Variants in ZDHHC24 observed in about 807,000 individuals in gnomAD.
ZDHHC24 encodes the protein zDHHC palmitoyltransferase 24.
A neutral mutation model predicts 23.2 loss-of-function variants in ZDHHC24; 17 were observed. That is an observed-to-expected ratio of 0.73 (90% CI 0.50 to 1.10). The LOEUF (loss-of-function observed/expected upper bound fraction) is 1.10. Ranked by LOEUF, ZDHHC24 falls within the 50% of genes least tolerant of loss-of-function variation. The pLI is 0.00. For missense variants in ZDHHC24, 366 were observed against 393.0 expected, an observed-to-expected ratio of 0.93 and a Z score of 0.58; for synonymous variants, 186 against 194.5, an observed-to-expected ratio of 0.96 and a Z score of 0.36.
chr11:66,523,511 A>C, intron 4 of ZDHHC24: 1 of 1,614,112 alleles, frequency 6.2e-7, no homozygotes, highest in Non-Finnish European at 8.5e-7. Flanking sequence ...TGTGGGACTT[A>C]TCCGGGTACA....
chr11:66,528,841 G>T (rs1359404584), intron 3 of ZDHHC24, among the ~76,000 whole-genome samples: 1 of 151,772 alleles, frequency 6.6e-6, no homozygotes, highest in African/African-American at 2.4e-5. Flanking sequence ...GGCGGCGCGT[G>T]CCTGTAATTC....
chr11:66,540,557 G>A (rs183431119), intron 2 of ZDHHC24, among the ~76,000 whole-genome samples: 3 of 151,228 alleles, frequency 2.0e-5, no homozygotes, highest in Non-Finnish European at 2.9e-5. Flanking sequence ...GTGAAACTCC[G>A]TCTCTACTAA....
downstream of ZDHHC24, among the ~76,000 whole-genome samples, chr11:66,535,452 C>T (rs61890369): frequency 3.4e-4 from 51 of 150,464 alleles, no homozygotes; most frequent in South Asian, 6.3e-4. Context: ...GTGATCCTCC[C>T]GCCTCAGCCT....
chr11:66,524,342 G>T, intron 4 of ZDHHC24: 1 of 271,626 alleles, frequency 3.7e-6, no homozygotes, highest in South Asian at 3.8e-5. Context: ...TAGGGGTGGG[G>T]GGTAAAATGA....
At chr11:66,524,911 C>T (rs990215877) in intron 4 of ZDHHC24, among the ~76,000 whole-genome samples, 2 of 151,924 alleles carry the variant, frequency 1.3e-5, no homozygotes, top group South Asian at 4.2e-4. Flanking sequence ...ACAAATTAGC[C>T]GGGTATGGGC....
downstream of ZDHHC24, chr11:66,531,078 G>A (rs375407093): frequency 6.2e-7 from 1 of 1,610,502 alleles, no homozygotes; most frequent in Non-Finnish European, 8.5e-7. Context: ...CCAGGGCAGG[G>A]GCCTGATGAG....
chr11:66,525,437 A>G (rs10896126), intron 4 of ZDHHC24, among the ~76,000 whole-genome samples: 41,218 of 151,906 alleles, frequency 0.27, 5,739 homozygotes, highest in Middle Eastern at 0.36. Flanking sequence ...ATGGTGGTGC[A>G]TGCCTATAAT....
chr11:66,523,659 C>A (rs571201308), intron 4 of ZDHHC24: 1 of 1,610,790 alleles, frequency 6.2e-7, no homozygotes, highest in East Asian at 2.2e-5. Context: ...GCTTCCCCAC[C>A]CCAGAAACCG....
At chr11:66,540,954 T>C (rs1303759185) in intron 2 of ZDHHC24, among the ~76,000 whole-genome samples, 1 of 152,096 alleles carries the variant, frequency 6.6e-6, no homozygotes, top group Non-Finnish European at 1.5e-5. Flanking sequence ...AGATTAGTGG[T>C]TGCCAGGGGC....
In ZDHHC24 at chr11:66,545,815, G is replaced by T. The variant is rs1857301997; in HGVS notation, c.189C>A (p.Leu63=). The T allele has an allele frequency of 1.3e-6, 2 of 1,577,006 alleles. No individual in the cohort carries two copies. Among genetic ancestry groups the T allele is most frequent in the South Asian group, 1.1e-5 (1 of 87,644 alleles). The change falls in exon 1 of 3, where the codon CTC becomes CTA. Residue 63 remains leucine, a synonymous_variant. Coordinates refer to ENST00000310442, the MANE Select transcript of ZDHHC24 (RefSeq NM_207340.3). The surrounding 1 kb of genome is among the most constrained non-coding windows in gnomAD (Gnocchi z 4.5). ...AGAGCCCCACGTTGCCCAGCAGGTT[G>T]AGCAGCTGGAAGGCGGCCAGCGCCA... ...LQLALAAFQL[L]NLLGNVGLFL... is the part of the protein sequence containing the mutation.
chr11:66,520,875 C>T (rs1022935946), downstream of ZDHHC24: 28 of 325,456 alleles, frequency 8.6e-5, no homozygotes, highest in African/African-American at 3.9e-4. Flanking sequence ...GGGACCACCA[C>T]GCCCAGCTAA....
intron 4 of ZDHHC24, chr11:66,523,740 C>T (rs1478130725): frequency 6.2e-7 from 1 of 1,611,960 alleles, no homozygotes; most frequent in African/African-American, 1.3e-5. Context: ...AAGCTGTGGA[C>T]AGTGCAGATG....
Position 66,536,489 on chromosome 11 carries a change from A to G in ZDHHC24, c.*3040T>C, listed in dbSNP as rs1856969327. Reference sequence around the variant, plus strand: ...GAGAATCGCTTGAACCCAGGAAGTGAGCCAAGATCGCGCCATTGCACTCCA... The same window carrying G: ...GAGAATCGCTTGAACCCAGGAAGTGGGCCAAGATCGCGCCATTGCACTCCA... On this transcript the variant is annotated 3_prime_UTR_variant, in exon 3 of 3. Transcript: ENST00000310442. The G allele has an allele frequency of 6.5e-6, 1 of 154,192 alleles. No homozygotes were observed. The highest frequency in any genetic ancestry group is 5.2e-4 in the Middle Eastern group (1 of 1,912). 9.6% of individuals were successfully genotyped at this position (154,192 alleles called of 1,614,324 possible).
intron 4 of ZDHHC24, chr11:66,526,795 G>A: frequency 6.2e-7 from 1 of 1,614,250 alleles, no homozygotes; most frequent in Non-Finnish European, 8.5e-7. Flanking sequence ...GCGAGAGCGG[G>A]AGGCTGGCAC....
At chr11:66,526,336 C>G (rs1856489707) in intron 4 of ZDHHC24, 2 of 883,428 alleles carry the variant, frequency 2.3e-6, no homozygotes, top group Middle Eastern at 6.4e-4. Flanking sequence ...CCTTCTGGAG[C>G]TAGGCCTCCA....
At chr11:66,539,921 G>A (rs895825634) in intron 2 of ZDHHC24, 97 bp from the exon 3 acceptor site, 2 of 1,249,490 alleles carry the variant, frequency 1.6e-6, no homozygotes, top group African/African-American at 1.5e-5. Flanking sequence ...TCATTCCTCC[G>A]CTCAGCAAAC....
chr11:66,536,243 T>G lies in ZDHHC24; in HGVS notation c.*3286A>C, dbSNP rs1024469099. 6.6e-6 allele frequency: 1 copy of G among 152,316 alleles called. No homozygotes were observed. Among genetic ancestry groups the G allele is most frequent in the Admixed American group, 6.5e-5 (1 of 15,268 alleles). 9.4% of individuals were successfully genotyped at this position (152,316 alleles called of 1,614,324 possible). On this transcript the variant is annotated 3_prime_UTR_variant, in exon 3 of 3. Coordinates refer to ENST00000310442, the MANE Select transcript of ZDHHC24 (RefSeq NM_207340.3). ...ATTTTTATAAATGTGTTCTTGTAGC[T>G]CCTCACTAATTAAAAACAACAACAA...
downstream of ZDHHC24, among the ~76,000 whole-genome samples, chr11:66,534,931 G>A (rs968743092): frequency 4.0e-5 from 6 of 151,668 alleles, no homozygotes; most frequent in Non-Finnish European, 5.9e-5. Context: ...TCCTCACCTC[G>A]TGATCTGCTA....
intron 2 of ZDHHC24, among the ~76,000 whole-genome samples, 198 bp downstream of exon 2, chr11:66,543,506 A>G (rs2051355413): frequency 1.3e-5 from 2 of 152,204 alleles, no homozygotes; most frequent in Admixed American, 1.3e-4. Context: ...TTCTCCAGCC[A>G]GAACGCTGCA....
Sources: allele counts gnomAD v4.1 joint callset (sites outside exome capture counted in the v4.1 genomes callset), GRCh38; gene constraint gnomAD v4.1.1; non-coding constraint Gnocchi (gnomAD v3.1); transcripts MANE v1.5; gene names NCBI Gene and HGNC (gene_info 2026-07-23, HGNC 2026-07-21).